Variants in ADAMTS12 observed in about 807,000 individuals in gnomAD.
ADAMTS12 encodes ADAM metallopeptidase with thrombospondin type 1 motif 12.
ADAMTS12 carries 118 observed loss-of-function variants against 167.8 expected under a neutral mutation model. That is an observed-to-expected ratio of 0.70 (90% CI 0.61 to 0.82). ADAMTS12 has a LOEUF of 0.82. ADAMTS12 is among the 40% of genes least tolerant of loss of function. The pLI is 0.00. For synonymous variants in ADAMTS12, 704 were observed against 716.9 expected, an observed-to-expected ratio of 0.98 and a Z score of 0.29; for missense variants, 1,916 against 1,998.8, an observed-to-expected ratio of 0.96 and a Z score of 0.79.
intron 2 of ADAMTS12, among the ~76,000 whole-genome samples, chr5:33,788,190 C>T (rs1202895805): frequency 2.0e-5 from 3 of 152,166 alleles, no homozygotes; most frequent in Non-Finnish European, 2.9e-5. Flanking sequence ...AGTAGGGGTT[C>T]CTGTCACTTT....
At chr5:33,889,786 T>C (rs1750778229) in intron 1 of ADAMTS12, among the ~76,000 whole-genome samples, 1 of 152,028 alleles carries the variant, frequency 6.6e-6, no homozygotes, top group Non-Finnish European at 1.5e-5. Context: ...ACCTCGTCTG[T>C]ACTAAAAATA....
In ADAMTS12 at chr5:33,637,820, A is replaced by G. The variant is rs1740269407; in HGVS notation, c.1719-74T>C. On this transcript the variant is annotated intron_variant, in intron 11 of 23. Transcript: ENST00000504830. ...CACTTTCCTTTAAAACTCCTCTGGT[A>G]TCTGGCCTTGACAAATGATGTCTCT... is the stretch of plus-strand genomic sequence containing the variant. 6 of 1,502,206 alleles carry G rather than the reference A, an allele frequency of 4.0e-6. No homozygotes were observed. In the South Asian group the frequency reaches 6.3e-5, roughly 16 times the overall value. The allele number at this position is 1,502,206 out of a possible 1,614,324, so 93.1% of individuals were successfully genotyped here.
At chr5:33,874,311 T>TATGAAATGATATCCC (rs1231225447) in intron 2 of ADAMTS12, among the ~76,000 whole-genome samples, 1 of 152,168 alleles carries the variant, frequency 6.6e-6, no homozygotes, top group Non-Finnish European at 1.5e-5. Context: ...ATGACAAGCA[T>TATGAAATGATATCCC]ATGAAATGAT....
At chr5:33,597,749 C>A (rs1737973374) in intron 16 of ADAMTS12, among the ~76,000 whole-genome samples, 2 of 152,060 alleles carry the variant, frequency 1.3e-5, no homozygotes, top group Admixed American at 6.6e-5. Flanking sequence ...CAGGCTTTCC[C>A]AACTAACAGA....
intron 2 of ADAMTS12, among the ~76,000 whole-genome samples, chr5:33,848,163 G>C (rs972353328): frequency 5.3e-5 from 8 of 151,824 alleles, no homozygotes; most frequent in Non-Finnish European, 1.2e-4. Flanking sequence ...GTTGCAATGA[G>C]CCAAGATCGC....
At chr5:33,756,085 G>T (rs1745158788) in intron 2 of ADAMTS12, among the ~76,000 whole-genome samples, 1 of 152,178 alleles carries the variant, frequency 6.6e-6, no homozygotes, top group South Asian at 2.1e-4. Context: ...CTGCCCTCAA[G>T]GTTTATATGC....
Position 33,805,491 on chromosome 5 carries a change from A to G in ADAMTS12, c.490-53943T>C, listed in dbSNP as rs556718924. On this transcript the variant is annotated intron_variant, in intron 2 of 23. Transcript: ENST00000504830. The stretch of plus-strand genomic sequence containing the variant: ...AGGCTTACTCCTTAATCAGATCCAC[A>G]TCCAGCAATTGATCACATTAGGAGG... Among the ~76,000 whole-genome samples the G allele has an allele frequency of 5.1e-4, 78 of 152,334 alleles. 2 individuals are homozygous for G. In the South Asian group the frequency reaches 0.016, roughly 30 times the overall value.
intron 2 of ADAMTS12, among the ~76,000 whole-genome samples, chr5:33,831,475 T>G (rs151257796): frequency 6.6e-6 from 1 of 152,350 alleles, no homozygotes; most frequent in East Asian, 1.9e-4. Flanking sequence ...TCTGCACAAA[T>G]TAGCCCAAAT....
chr5:33,547,492 A>C (rs1745039591), intron 21 of ADAMTS12, among the ~76,000 whole-genome samples: 1 of 152,148 alleles, frequency 6.6e-6, no homozygotes, highest in South Asian at 2.1e-4. Flanking sequence ...TGCTTGCCAG[A>C]TGGGTTCGTA....
chr5:33,577,842 G>A (rs925244909), intron 18 of ADAMTS12, among the ~76,000 whole-genome samples: 1 of 152,054 alleles, frequency 6.6e-6, no homozygotes, highest in Admixed American at 6.5e-5. Flanking sequence ...GTATATATTC[G>A]GGTACTGGTA....
At chr5:33,857,272 G>A (rs752452504) in intron 2 of ADAMTS12, among the ~76,000 whole-genome samples, 1 of 152,140 alleles carries the variant, frequency 6.6e-6, no homozygotes, top group East Asian at 1.9e-4. Context: ...AGCGGGAAAT[G>A]GGGAGATGTT....
chr5:33,576,029 A>G, intron 19 of ADAMTS12, 25 bp downstream of exon 19: 2 of 1,574,588 alleles, frequency 1.3e-6, no homozygotes, highest in Non-Finnish European at 1.7e-6. Flanking sequence ...ATGTAAAACC[A>G]GGCCAGGGGT....
intron 2 of ADAMTS12, among the ~76,000 whole-genome samples, chr5:33,784,273 T>C (rs1034115678): frequency 6.6e-6 from 1 of 151,920 alleles, no homozygotes; most frequent in Non-Finnish European, 1.5e-5. Flanking sequence ...AAAGACAGAA[T>C]GCTTTACCCT....
At position 33,576,586 on chromosome 5, in the gene ADAMTS12, A is replaced by C. The variant is rs1746732159; in HGVS notation, c.3440T>G (p.Leu1147Trp). The change falls in exon 19 of 24, where the codon TTG becomes TGG. Residue 1147 changes from leucine to tryptophan, a missense_variant. Coordinates refer to ENST00000504830, the MANE Select transcript of ADAMTS12 (RefSeq NM_030955.4). ...TWPVTPFYNT[L>W]TKGPEMEIHS... ...AATCTCCATTTCTGGACCTTTGGTC[A>C]AGGTATTGTAAAATGGAGTCACAGG... The C allele has an allele frequency of 6.2e-7, 1 of 1,614,022 alleles. No individual in the cohort carries two copies. The highest frequency in any genetic ancestry group is 8.5e-7 in the Non-Finnish European group (1 of 1,180,034).
intron 19 of ADAMTS12, among the ~76,000 whole-genome samples, chr5:33,573,692 A>G (rs1746513242): frequency 6.6e-6 from 1 of 152,210 alleles, no homozygotes; most frequent in Non-Finnish European, 1.5e-5. Flanking sequence ...ATGGGCAAGG[A>G]CTTCATGTCT....
chr5:33,596,134 A>C, intron 16 of ADAMTS12, 74 bp from the exon 17 acceptor site: 3 of 1,558,758 alleles, frequency 1.9e-6, no homozygotes, highest in Non-Finnish European at 8.7e-7. Flanking sequence ...GAGGTACCTG[A>C]CCACGTCAAC....
At position 33,649,622 on chromosome 5, in the gene ADAMTS12, C is replaced by T; in HGVS notation, c.1266G>A (p.Gln422=). The part of the protein sequence containing the change: ...VGRHPYIMSR[Q]LQYDPTPLTW... The stretch of plus-strand genomic sequence containing the variant: ...TCAGCGGAGTGGGATCGTACTGGAG[C>T]TGGCGGGACATGATGTACGGATGTC... The change falls in exon 8 of 24, where the codon CAG becomes CAA. Residue 422 remains glutamine, a synonymous_variant. Transcript: ENST00000504830. 7 of 1,614,066 alleles carry T rather than the reference C, an allele frequency of 4.3e-6. No homozygotes were observed. Among genetic ancestry groups the T allele is most frequent in the Non-Finnish European group, 5.9e-6 (7 of 1,179,944 alleles).
chr5:33,765,100 T>C (rs780037686), intron 2 of ADAMTS12, among the ~76,000 whole-genome samples: 2 of 152,226 alleles, frequency 1.3e-5, no homozygotes, highest in Non-Finnish European at 2.9e-5. Flanking sequence ...TGTTTTATTT[T>C]GCAAAATTTT....
chr5:33,692,816 G>C (rs1213331822), intron 3 of ADAMTS12, among the ~76,000 whole-genome samples: 3 of 152,146 alleles, frequency 2.0e-5, no homozygotes, highest in African/African-American at 7.2e-5. Context: ...TCCCACAATG[G>C]CTTCCAAAAA....
Sources: allele counts gnomAD v4.1 joint callset (sites outside exome capture counted in the v4.1 genomes callset), GRCh38; gene constraint gnomAD v4.1.1; transcripts MANE v1.5; gene names NCBI Gene and HGNC (gene_info 2026-07-23, HGNC 2026-07-21).